Variants in NELL2 observed in about 807,000 individuals in gnomAD.
NELL2 encodes the protein protein kinase C-binding protein NELL2.
NELL2 carries 41 observed loss-of-function variants against 109.6 expected under a neutral mutation model. The observed-to-expected ratio is 0.37, with a 90% CI of 0.29 to 0.49. The LOEUF is 0.49. Among genes scored for constraint, NELL2 ranks in the 20% least tolerant of loss-of-function variants. NELL2 has a pLI of 0.98. For synonymous variants in NELL2, 355 were observed against 344.7 expected, an observed-to-expected ratio of 1.03 and a Z score of -0.33; for missense variants, 900 against 1,008.3, an observed-to-expected ratio of 0.89 and a Z score of 1.45.
intron 1 of NELL2, among the ~76,000 whole-genome samples, chr12:44,882,352 C>T (rs1174073273): frequency 6.6e-6 from 1 of 150,838 alleles, no homozygotes; most frequent in Non-Finnish European, 1.5e-5. Context: ...TATATATATA[C>T]ACATATGTAT....
intron 9 of NELL2, among the ~76,000 whole-genome samples, chr12:44,727,753 T>C (rs928276127): frequency 6.6e-6 from 1 of 152,052 alleles, no homozygotes; most frequent in Non-Finnish European, 1.5e-5. Context: ...CTATGCTAAA[T>C]GAAACATCGA....
chr12:44,653,189 C>T (rs545825214), intron 13 of NELL2, among the ~76,000 whole-genome samples: 36 of 152,240 alleles, frequency 2.4e-4, no homozygotes, highest in African/African-American at 8.4e-4. Flanking sequence ...GTACTGAGTG[C>T]TTATTATGTT....
chr12:44,854,659 G>A (rs906122882), intron 2 of NELL2, among the ~76,000 whole-genome samples: 1 of 30,164 alleles, frequency 3.3e-5, no homozygotes, highest in African/African-American at 6.4e-5. Context: ...TGGATGGATG[G>A]ATGGATGGAT....
chr12:44,767,436 TG>T (rs1207927669), intron 9 of NELL2, among the ~76,000 whole-genome samples: 1 of 152,152 alleles, frequency 6.6e-6, no homozygotes, highest in Non-Finnish European at 1.5e-5. Flanking sequence ...AGAAAACATC[TG>T]GGACCATCTT....
intron 2 of NELL2, 127 bp downstream of exon 2, chr12:44,875,098 C>A: frequency 7.7e-7 from 1 of 1,293,492 alleles, no homozygotes; most frequent in Non-Finnish European, 1.0e-6. Context: ...CACACTGGCC[C>A]TTCTACACCT....
chr12:44,514,774 A>G lies in NELL2; in HGVS notation c.2400+5231T>C, dbSNP rs929966196. ...AATTTCTTCAAAAGACATAAAACTT[A>G]TTAAAGCAAAAATAATAACATGGAA... On this transcript the variant is annotated intron_variant, in intron 19 of 19. Coordinates refer to ENST00000429094, the MANE Select transcript of NELL2 (RefSeq NM_001145108.2). Among the ~76,000 whole-genome samples, 10 of 151,594 alleles carry G rather than the reference A, an allele frequency of 6.6e-5. 1 individual carries two copies. The highest frequency in any genetic ancestry group is 1.9e-4 in the African/African-American group (8 of 41,512).
intron 16 of NELL2, 61 bp from the exon 17 acceptor site, chr12:44,523,545 C>G: frequency 7.0e-7 from 1 of 1,435,764 alleles, no homozygotes; most frequent in Non-Finnish European, 9.7e-7. Flanking sequence ...CAAACAACTG[C>G]AATCAGGCCA....
chr12:44,718,847 T>A (rs939882071), intron 9 of NELL2, among the ~76,000 whole-genome samples: 2 of 152,186 alleles, frequency 1.3e-5, no homozygotes, highest in Admixed American at 1.3e-4. Context: ...TACTCGACTC[T>A]AGTAGGTGCT....
At chr12:44,896,670 G>T (rs1945596469) in intron 1 of NELL2, among the ~76,000 whole-genome samples, 1 of 152,154 alleles carries the variant, frequency 6.6e-6, no homozygotes, top group South Asian at 2.1e-4. Flanking sequence ...AGAAACAAAA[G>T]CAGTAGATTA....
intron 19 of NELL2, among the ~76,000 whole-genome samples, chr12:44,513,043 A>G (rs1259918318): frequency 6.6e-6 from 1 of 152,076 alleles, no homozygotes. Flanking sequence ...CATACTGTAC[A>G]TATGTATCAA....
intron 1 of NELL2, among the ~76,000 whole-genome samples, chr12:44,893,170 C>G (rs1945555228): frequency 6.6e-6 from 1 of 152,092 alleles, no homozygotes; most frequent in African/African-American, 2.4e-5. Context: ...GAGAAGGATC[C>G]TCACTTGCCT....
rs953470310 is a variant in NELL2 at position 44,682,642 on chromosome 12, C to G, written c.1319-17033G>C. Among the ~76,000 whole-genome samples, 16 of 152,218 alleles carry G rather than the reference C, an allele frequency of 1.1e-4. 1 individual carries two copies. The highest frequency in any genetic ancestry group is 7.2e-4 in the Admixed American group (11 of 15,274). ...AGTTTCAGCTTTTTACATATGGCTA[C>G]CCAGTTTCCCCAGCACCATTTATTA... On this transcript the variant is annotated intron_variant, in intron 12 of 19. Coordinates refer to ENST00000429094, the MANE Select transcript of NELL2 (RefSeq NM_001145108.2).
At chr12:44,654,411 C>G (rs547939576) in intron 13 of NELL2, among the ~76,000 whole-genome samples, 1 of 152,128 alleles carries the variant, frequency 6.6e-6, no homozygotes, top group Non-Finnish European at 1.5e-5. Context: ...TAATACTCAT[C>G]GTTTGTGGTA....
intron 9 of NELL2, among the ~76,000 whole-genome samples, chr12:44,767,335 T>C (rs1378710015): frequency 6.6e-6 from 1 of 152,182 alleles, no homozygotes; most frequent in African/African-American, 2.4e-5. Context: ...AGCCCCCCAA[T>C]GCCTTTTCTA....
At chr12:44,671,980 C>A (rs1305177086) in intron 12 of NELL2, among the ~76,000 whole-genome samples, 4 of 152,178 alleles carry the variant, frequency 2.6e-5, no homozygotes. Flanking sequence ...AGTGAAAACA[C>A]CCTGGTTATC....
Position 44,743,506 on chromosome 12 carries a change from C to T in NELL2, c.995-28765G>A, listed in dbSNP as rs1355928597. 1.5e-4 allele frequency among the ~76,000 whole-genome samples: 5 copies of T among 34,226 alleles called. No individual in the cohort carries two copies. The East Asian group carries it at 2.9e-3, about 20-fold the overall frequency. 22.5% of individuals were successfully genotyped at this position (34,226 alleles called of 152,430 possible). ...GCCCCAATTAAAAGACACAGACTAG[C>T]AAATTGGATAGAGTCAAGACCCATC... On this transcript the variant is annotated intron_variant, in intron 9 of 19. Transcript: ENST00000429094.
At chr12:44,563,129 C>G (rs1943530591) in intron 15 of NELL2, among the ~76,000 whole-genome samples, 1 of 152,172 alleles carries the variant, frequency 6.6e-6, no homozygotes, top group South Asian at 2.1e-4. Context: ...CACATGGACA[C>G]AGGGAGGGGA....
chr12:44,572,857 A>G (rs1484287986), intron 15 of NELL2, among the ~76,000 whole-genome samples: 1 of 152,216 alleles, frequency 6.6e-6, no homozygotes, highest in African/African-American at 2.4e-5. Context: ...AGAGATTCTG[A>G]AATTTATCAG....
chr12:44,787,292 A>AT (rs2136618399), intron 3 of NELL2, among the ~76,000 whole-genome samples: 1 of 152,294 alleles, frequency 6.6e-6, no homozygotes, highest in East Asian at 1.9e-4. Flanking sequence ...TTATGAATAA[A>AT]TATACCATAT....
Sources: allele counts gnomAD v4.1 joint callset (sites outside exome capture counted in the v4.1 genomes callset), GRCh38; gene constraint gnomAD v4.1.1; transcripts MANE v1.5; gene names NCBI Gene and HGNC (gene_info 2026-07-23, HGNC 2026-07-21).